The following CTNNB1 variants were observed in gnomAD, a reference collection of about 807,000 sequenced individuals.
The protein encoded by CTNNB1 is catenin beta 1, also known as catenin beta-1.
A neutral mutation model predicts 82.5 loss-of-function variants in CTNNB1; 6 were observed. The ratio of observed to expected loss-of-function variants is 0.07; its 90% CI spans 0.04 to 0.14. CTNNB1 has a LOEUF of 0.14. Ranked by LOEUF, CTNNB1 falls within the 10% of genes least tolerant of loss-of-function variation. CTNNB1 has a pLI of 1.00. For missense variants in CTNNB1, 529 were observed against 980.4 expected, an observed-to-expected ratio of 0.54 and a Z score of 6.15; for synonymous variants, 312 against 329.7, an observed-to-expected ratio of 0.95 and a Z score of 0.58.
intron 1 of CTNNB1, among the ~76,000 whole-genome samples, chr3:41,220,371 A>AGAACAC (rs201829919): frequency 0.026 from 3,939 of 151,576 alleles, 184 homozygotes; most frequent in African/African-American, 0.091. Context: ...AGACACCTTG[A>AGAACAC]GAACACACAC....
At position 41,239,986 on chromosome 3, in the gene CTNNB1, C is replaced by CTTTTTTTTTTTTTTTTTTTTTTTT. The variant is rs1207330730; in HGVS notation, c.*646_*669dup. 9.8e-5 allele frequency: 3 copies of CTTTTTTTTTTTTTTTTTTTTTTTT among 30,588 alleles called. No individual in the cohort carries two copies. The highest frequency in any genetic ancestry group is 2.3e-4 in the African/African-American group (2 of 8,808). The allele number at this position is 30,588 out of a possible 1,614,324, so 1.9% of individuals were successfully genotyped here. On this transcript the variant is annotated 3_prime_UTR_variant, in exon 15 of 15. Coordinates refer to ENST00000349496, the MANE Select transcript of CTNNB1 (RefSeq NM_001904.4). ...TGACTTTGCTTGCTTTGAAGTAGCT[C>CTTTTTTTTTTTTTTTTTTTTTTTT]TTTTTTTTTTTTTTTTTTTTTTTTT... is the stretch of plus-strand genomic sequence containing the variant.
chr3:41,218,491 A>AT (rs1282716657), intron 1 of CTNNB1, among the ~76,000 whole-genome samples: 4 of 152,328 alleles, frequency 2.6e-5, no homozygotes, highest in African/African-American at 9.6e-5. Flanking sequence ...CTATTTGTGT[A>AT]TAGGAAAATA....
At position 41,230,983 on chromosome 3, in the gene CTNNB1, G is replaced by C. The variant is rs147152955; in HGVS notation, c.1082-2358G>C. Among the ~76,000 whole-genome samples the C allele has an allele frequency of 7.2e-5, 11 of 152,342 alleles. No individual in the cohort carries two copies. The East Asian group carries it at 2.1e-3, about 29-fold the overall frequency. On this transcript the variant is annotated intron_variant, in intron 7 of 14. Coordinates refer to ENST00000349496, the MANE Select transcript of CTNNB1 (RefSeq NM_001904.4). ...TTTGTGTTGGGCTACATTCAGAGCT[G>C]TCCTAGGCCATGTGGCCCATGGGCT...
chr3:41,237,026 TAAG>T lies in CTNNB1; in HGVS notation c.2076+319_2076+321del, dbSNP rs2078452683. The T allele has an allele frequency of 5.9e-5, 29 of 492,472 alleles. No homozygotes were observed. The South Asian group carries it at 9.5e-4, about 16-fold the overall frequency. The allele number at this position is 492,472 out of a possible 1,614,324, so 30.5% of individuals were successfully genotyped here. On this transcript the variant is annotated intron_variant, in intron 13 of 14. Transcript: ENST00000349496. ...GGAAAGAGGCAGTGTTAAACACTGT[TAAG>T]AGGACAGTTTATCAGTATTTTTTAC... is the stretch of plus-strand genomic sequence containing the variant.
intron 1 of CTNNB1, among the ~76,000 whole-genome samples, chr3:41,215,382 CAAAAAAAA>C (rs35166040): frequency 2.0e-5 from 1 of 48,848 alleles, no homozygotes; most frequent in Non-Finnish European, 3.4e-5. Flanking sequence ...AACACCATCT[CAAAAAAAA>C]AAAAAAAAAA....
intron 1 of CTNNB1, chr3:41,221,122 C>T (rs1001450936): frequency 2.0e-5 from 3 of 152,180 alleles, no homozygotes; most frequent in Non-Finnish European, 4.4e-5. Context: ...CAAAACATCA[C>T]TTGGTGGTGA....
At chr3:41,207,177 G>A (rs2077668713) in intron 1 of CTNNB1, among the ~76,000 whole-genome samples, 3 of 152,132 alleles carry the variant, frequency 2.0e-5, no homozygotes, top group Admixed American at 6.5e-5. Context: ...AGGCTAGAAA[G>A]TTTACAGATG....
intron 1 of CTNNB1, among the ~76,000 whole-genome samples, chr3:41,208,786 T>C (rs1310075068): frequency 6.6e-6 from 1 of 152,162 alleles, no homozygotes; most frequent in African/African-American, 2.4e-5. Flanking sequence ...TTCCATCCCC[T>C]CTTGCTCTCA....
In CTNNB1 at chr3:41,239,921, A is replaced by T. The variant is rs936155080; in HGVS notation, c.*579A>T. 9.8e-4 allele frequency: 156 copies of T among 158,854 alleles called. 2 individuals carry two copies. In the East Asian group the frequency reaches 0.013, roughly 13 times the overall value. 9.8% of individuals were successfully genotyped at this position (158,854 alleles called of 1,614,324 possible). The stretch of plus-strand genomic sequence containing the variant: ...ATCAAACCCTAGCCTTGCTTGTTAA[A>T]TTTTTTTTTTTTTTTTTTTAAGAAT... On this transcript the variant is annotated 3_prime_UTR_variant, in exon 15 of 15. Coordinates refer to ENST00000349496, the MANE Select transcript of CTNNB1 (RefSeq NM_001904.4).
In CTNNB1 at chr3:41,225,013, G is replaced by C. The variant is rs2125619971; in HGVS notation, c.301G>C (p.Glu101Gln). ...AQRVRAAMFP[E>Q]TLDEGMQIPS... Reference sequence around the variant, plus strand: ...GAGGGTACGAGCTGCTATGTTCCCTGAGACATTAGATGAGGGCATGCAGAT... The same window carrying C: ...GAGGGTACGAGCTGCTATGTTCCCTCAGACATTAGATGAGGGCATGCAGAT... The change falls in exon 4 of 15, where the codon GAG becomes CAG. Residue 101 changes from glutamate to glutamine, a missense_variant. Physicochemically the swap from Glu to Gln is conservative, Grantham distance 29 (BLOSUM62 2). Transcript: ENST00000349496. The surrounding 1 kb of genome is among the most constrained non-coding windows in gnomAD (Gnocchi z 5.3). 2 of 1,614,034 alleles carry C rather than the reference G, an allele frequency of 1.2e-6. No homozygotes were observed. Among genetic ancestry groups the C allele is most frequent in the Non-Finnish European group, 1.7e-6 (2 of 1,179,946 alleles).
In CTNNB1 at chr3:41,233,942, T is replaced by A. The variant is rs763140103; in HGVS notation, c.1524+75T>A. ...CATCTCTAGCTGTTGGATGGCTGTC[T>A]AAGCATAGTGATCAATAAGTAGGAA... On this transcript the variant is annotated intron_variant, in intron 9 of 14. Coordinates refer to ENST00000349496, the MANE Select transcript of CTNNB1 (RefSeq NM_001904.4). 14 of 1,504,278 alleles carry A rather than the reference T, an allele frequency of 9.3e-6. No homozygotes were observed. The East Asian group carries it at 3.2e-4, about 34-fold the overall frequency. 93.2% of individuals were successfully genotyped at this position (1,504,278 alleles called of 1,614,324 possible).
At chr3:41,237,939 T>G in intron 13 of CTNNB1, 77 bp from the exon 14 acceptor site, 1 of 1,237,806 alleles carries the variant, frequency 8.1e-7, no homozygotes, top group Non-Finnish European at 1.2e-6. Context: ...GAAAGTATGC[T>G]TTAAAAAAAA....
intron 11 of CTNNB1, 177 bp downstream of exon 11, chr3:41,236,020 G>A: frequency 1.2e-6 from 1 of 822,292 alleles, no homozygotes. Flanking sequence ...AGAGGGAGGA[G>A]ATTTCACATT....
chr3:41,222,967 C>T (rs2078084721), intron 1 of CTNNB1, among the ~76,000 whole-genome samples: 1 of 152,110 alleles, frequency 6.6e-6, no homozygotes, highest in South Asian at 2.1e-4. Flanking sequence ...TGTTGGCTCA[C>T]ATCTGAGATA....
intron 7 of CTNNB1, among the ~76,000 whole-genome samples, chr3:41,228,183 T>A (rs1452167178): frequency 6.6e-6 from 1 of 152,156 alleles, no homozygotes; most frequent in Non-Finnish European, 1.5e-5. Flanking sequence ...AGTGAACATA[T>A]GCATGCATGT....
chr3:41,207,226 G>A (rs780709074), intron 1 of CTNNB1, among the ~76,000 whole-genome samples: 4 of 152,186 alleles, frequency 2.6e-5, no homozygotes, highest in African/African-American at 4.8e-5. Context: ...GGTCACCGTT[G>A]AGGCAGAGTA....
At chr3:41,216,586 ATGG>A (rs1387877650) in intron 1 of CTNNB1, among the ~76,000 whole-genome samples, 1 of 152,234 alleles carries the variant, frequency 6.6e-6, no homozygotes, top group African/African-American at 2.4e-5. Context: ...TTGAGGCAAG[ATGG>A]TTGACTGAGT....
chr3:41,234,515 G>A, intron 10 of CTNNB1: 1 of 581,944 alleles, frequency 1.7e-6, no homozygotes, highest in Non-Finnish European at 3.1e-6. Flanking sequence ...TCCTTCACAT[G>A]GTCAGTCTTA....
At chr3:41,235,669 C>T (rs2125644297) in intron 10 of CTNNB1, 55 bp from the exon 11 acceptor site, 3 of 1,612,062 alleles carry the variant, frequency 1.9e-6, no homozygotes, top group South Asian at 2.2e-5. Flanking sequence ...AATAATTGTT[C>T]CTCAAACTTT....
Sources: gnomAD v4.1 joint callset for allele counts (sites outside exome capture counted in the v4.1 genomes callset) on GRCh38, gnomAD v4.1.1 for gene constraint, Gnocchi (gnomAD v3.1) non-coding constraint, MANE v1.5 for transcripts, NCBI Gene and HGNC (gene_info 2026-07-23, HGNC 2026-07-21) for gene names.